CSMD1: variants seen among roughly 807,000 people sequenced by gnomAD.
The protein encoded by CSMD1 is CUB and sushi domain-containing protein 1.
CSMD1 carries 213 observed loss-of-function variants against 417.5 expected under a neutral mutation model. The observed-to-expected ratio is 0.51, with a 90% CI of 0.46 to 0.57. The LOEUF (loss-of-function observed/expected upper bound fraction) is 0.57. CSMD1 is among the 20% of genes least tolerant of loss of function. CSMD1 has a pLI of 0.00. For missense variants in CSMD1, 6,923 were observed against 4,529.7 expected (o/e 1.53, Z -15.17); for synonymous variants, 2,862 against 1,736.8 (o/e 1.65, Z -16.11).
At position 4,401,893 on chromosome 8, in the gene CSMD1, T is replaced by C. The variant is rs570627719; in HGVS notation, c.415+18060A>G. The stretch of plus-strand genomic sequence containing the variant: ...CAGCTTTGACTCTTCTGTCTTCAGG[T>C]TACTCACATGTAGATCCTCTTATTG... On this transcript the variant is annotated intron_variant, in intron 3 of 69. Coordinates refer to ENST00000635120, the MANE Select transcript of CSMD1 (RefSeq NM_033225.6). Among the ~76,000 whole-genome samples, 10 of 152,214 alleles carry C rather than the reference T, an allele frequency of 6.6e-5. No homozygotes were observed. In the East Asian group the frequency reaches 1.9e-3, roughly 29 times the overall value.
Position 3,411,189 on chromosome 8 carries a change from G to A in CSMD1, c.1562-1584C>T, listed in dbSNP as rs1483301979. Among the ~76,000 whole-genome samples the A allele has an allele frequency of 2.6e-5, 4 of 152,160 alleles. No individual in the cohort carries two copies. The South Asian group carries it at 6.2e-4, about 24-fold the overall frequency. ...CTCTCTGCAACTTTGGAAGAGCAGA[G>A]GCAGGTGAAAAGTGAGTCCCAGGAA... On this transcript the variant is annotated intron_variant, in intron 12 of 69. Transcript: ENST00000635120.
intron 5 of CSMD1, among the ~76,000 whole-genome samples, chr8:3,938,497 A>C (rs1585000025): frequency 6.6e-6 from 1 of 152,220 alleles, no homozygotes; most frequent in Middle Eastern, 3.4e-3. Flanking sequence ...GATGGGGAGA[A>C]GGTTTCCTCG....
At chr8:3,927,176 T>C (rs938906402) in intron 5 of CSMD1, among the ~76,000 whole-genome samples, 9 of 151,968 alleles carry the variant, frequency 5.9e-5, no homozygotes, top group African/African-American at 1.9e-4. Flanking sequence ...GAAGCTATAA[T>C]TTATTAGAGA....
chr8:3,257,987 C>G (rs1055429682), intron 26 of CSMD1, among the ~76,000 whole-genome samples: 1 of 152,092 alleles, frequency 6.6e-6, no homozygotes, highest in African/African-American at 2.4e-5. Context: ...AGGTGGAAGG[C>G]TATTGCAGGG....
chr8:3,580,026 C>G (rs1043338482), intron 9 of CSMD1, among the ~76,000 whole-genome samples: 1 of 151,988 alleles, frequency 6.6e-6, no homozygotes, highest in Admixed American at 6.6e-5. Flanking sequence ...ATCCCTTGAG[C>G]TAGGGAGGTG....
At chr8:3,797,970 C>A (rs748837421) in intron 5 of CSMD1, among the ~76,000 whole-genome samples, 1 of 151,990 alleles carries the variant, frequency 6.6e-6, no homozygotes, top group Non-Finnish European at 1.5e-5. Context: ...ACTGGCATCT[C>A]ATTGCGGTTT....
At chr8:3,547,036 C>G (rs1798696589) in intron 10 of CSMD1, among the ~76,000 whole-genome samples, 1 of 152,136 alleles carries the variant, frequency 6.6e-6, no homozygotes, top group Non-Finnish European at 1.5e-5. Context: ...GGTCAGGGCC[C>G]CTTCTCTGAA....
At chr8:4,775,772 G>C (rs147182273) in intron 1 of CSMD1, among the ~76,000 whole-genome samples, 1 of 152,168 alleles carries the variant, frequency 6.6e-6, no homozygotes, top group East Asian at 1.9e-4. Flanking sequence ...TCACTCGTGT[G>C]GATGTGGATG....
chr8:3,990,564 A>G (rs1483842662), intron 5 of CSMD1, among the ~76,000 whole-genome samples: 2 of 152,240 alleles, frequency 1.3e-5, no homozygotes, highest in Non-Finnish European at 2.9e-5. Flanking sequence ...AATAAATTAG[A>G]AAAGTGTCCC....
At chr8:4,622,603 G>C (rs541122066) in intron 2 of CSMD1, among the ~76,000 whole-genome samples, 4 of 152,276 alleles carry the variant, frequency 2.6e-5, no homozygotes, top group African/African-American at 9.6e-5. Context: ...TTTGGTTTCG[G>C]AATTACAAAG....
chr8:4,286,230 G>T (rs1211040941), intron 3 of CSMD1, among the ~76,000 whole-genome samples: 2 of 152,086 alleles, frequency 1.3e-5, no homozygotes, highest in South Asian at 4.1e-4. Flanking sequence ...TTCTTGCCAA[G>T]CTCCATTGCG....
intron 3 of CSMD1, among the ~76,000 whole-genome samples, chr8:4,082,480 C>G (rs1423283750): frequency 6.6e-6 from 1 of 151,950 alleles, no homozygotes. Context: ...AGGAGATTAA[C>G]GTAATTTTGA....
intron 5 of CSMD1, among the ~76,000 whole-genome samples, chr8:3,810,818 T>C (rs1801026912): frequency 6.6e-6 from 1 of 152,142 alleles, no homozygotes; most frequent in South Asian, 2.1e-4. Context: ...TCACTCTTTG[T>C]AACACAAAAT....
intron 1 of CSMD1, among the ~76,000 whole-genome samples, chr8:4,843,209 C>A (rs751489159): frequency 1.9e-4 from 29 of 152,130 alleles, no homozygotes; most frequent in Non-Finnish European, 3.7e-4. Flanking sequence ...ATAGATGGAA[C>A]AGGGCGCTTT....
intron 3 of CSMD1, among the ~76,000 whole-genome samples, chr8:4,191,918 T>C (rs895037881): frequency 6.6e-6 from 1 of 152,118 alleles, no homozygotes; most frequent in Admixed American, 6.6e-5. Flanking sequence ...AAGTGAGCAT[T>C]AGCACAATTC....
chr8:3,519,036 C>A (rs1005932842), intron 10 of CSMD1, among the ~76,000 whole-genome samples: 4 of 152,150 alleles, frequency 2.6e-5, no homozygotes, highest in African/African-American at 7.2e-5. Context: ...CTGTTTCTAT[C>A]GCAACATTTT....
intron 5 of CSMD1, among the ~76,000 whole-genome samples, chr8:3,929,066 A>C (rs181801080): frequency 6.6e-6 from 1 of 150,550 alleles, no homozygotes; most frequent in East Asian, 2.0e-4. Context: ...ATTGCAGAAA[A>C]TTAAAAGCAC....
At chr8:4,927,014 T>G (rs181626250) in intron 1 of CSMD1, among the ~76,000 whole-genome samples, 4 of 151,872 alleles carry the variant, frequency 2.6e-5, no homozygotes, top group African/African-American at 7.2e-5. Flanking sequence ...GCAGTAGACA[T>G]CCCGTATCTA....
intron 68 of CSMD1, among the ~76,000 whole-genome samples, chr8:2,945,803 C>T (rs577168620): frequency 6.6e-6 from 1 of 152,132 alleles, no homozygotes; most frequent in Non-Finnish European, 1.5e-5. Context: ...ACTGTTGCTG[C>T]CACTACTACA....
Sources: gnomAD v4.1 joint callset for allele counts (sites outside exome capture counted in the v4.1 genomes callset) on GRCh38, gnomAD v4.1.1 for gene constraint, MANE v1.5 for transcripts, NCBI Gene and HGNC (gene_info 2026-07-23, HGNC 2026-07-21) for gene names.